The following MDGA2 variants were observed in gnomAD, a reference collection of about 807,000 sequenced individuals.
MDGA2 encodes the protein MAM domain containing glycosylphosphatidylinositol anchor 2.
MDGA2 carries 40 observed loss-of-function variants against 117.8 expected under a neutral mutation model. That is an observed-to-expected ratio of 0.34 (90% confidence interval 0.26 to 0.44). The LOEUF (loss-of-function observed/expected upper bound fraction) is 0.44. Among genes scored for constraint, MDGA2 ranks in the 20% least tolerant of loss-of-function variants. The probability of loss-of-function intolerance (pLI) is 1.00; values close to 1 mark genes in which losing one functional copy is unlikely to be tolerated. For missense variants in MDGA2, 1,123 were observed against 1,250.6 expected (o/e 0.90, Z 1.54); for synonymous variants, 452 against 439.0 (o/e 1.03, Z -0.37).
At chr14:47,265,334 T>C (rs10144413) in intron 2 of MDGA2, among the ~76,000 whole-genome samples, 48,954 of 152,006 alleles carry the variant, frequency 0.32, 9,070 homozygotes, top group African/African-American at 0.51. Flanking sequence ...GTAATGGTCA[T>C]TGTGTTTAAG....
intron 7 of MDGA2, among the ~76,000 whole-genome samples, chr14:47,048,901 G>A (rs1889356562): frequency 6.6e-6 from 1 of 152,046 alleles, no homozygotes; most frequent in African/African-American, 2.4e-5. Context: ...GTATACAGAA[G>A]TTTACAATAA....
intron 7 of MDGA2, among the ~76,000 whole-genome samples, chr14:47,056,098 A>G (rs1055691158): frequency 1.3e-5 from 2 of 152,184 alleles, no homozygotes; most frequent in African/African-American, 4.8e-5. Context: ...AAAATAACCT[A>G]TTCCTTACTA....
chr14:47,089,684 T>C (rs954434826), intron 6 of MDGA2, among the ~76,000 whole-genome samples: 3 of 152,076 alleles, frequency 2.0e-5, no homozygotes, highest in South Asian at 2.1e-4. Context: ...AGCACATATA[T>C]ACCATGGAAT....
intron 3 of MDGA2, among the ~76,000 whole-genome samples, chr14:47,163,753 G>A (rs779356191): frequency 4.6e-5 from 7 of 152,192 alleles, no homozygotes; most frequent in Non-Finnish European, 1.0e-4. Context: ...GACACATCTA[G>A]TCCCATAATT....
chr14:47,097,054 A>C lies in MDGA2; in HGVS notation c.995T>G (p.Val332Gly). ...VVNPGEAITL[V>G]CVTTGGEPAP... is the part of the protein sequence containing the mutation. ...AGGCTCTCCTCCTGTTGTAACACAT[A>C]CTAATGTTATGGCCTCTCCAGGATT... The change falls in exon 6 of 17, where the codon GTA (valine) becomes GGA (glycine). Residue 332 changes from valine (V) to glycine (G), a missense_variant. Transcript: ENST00000399232. 1 of 1,613,330 alleles carries C rather than the reference A, an allele frequency of 6.2e-7. No individual in the cohort carries two copies. The highest frequency in any genetic ancestry group is 1.1e-5 in the South Asian group (1 of 91,074).
intron 2 of MDGA2, among the ~76,000 whole-genome samples, chr14:47,250,978 T>C (rs1267618767): frequency 6.6e-6 from 1 of 152,212 alleles, no homozygotes; most frequent in African/African-American, 2.4e-5. Context: ...CACTTCTTAC[T>C]GGGTTGATCT....
intron 1 of MDGA2, among the ~76,000 whole-genome samples, chr14:47,413,726 A>T (rs544823163): frequency 1.4e-4 from 21 of 151,272 alleles, no homozygotes; most frequent in Non-Finnish European, 3.0e-4. Context: ...TTGGGACTGG[A>T]CATTTGTTTA....
At chr14:46,857,851 T>A (rs1327319424) in intron 14 of MDGA2, among the ~76,000 whole-genome samples, 1 of 151,962 alleles carries the variant, frequency 6.6e-6, no homozygotes, top group Non-Finnish European at 1.5e-5. Flanking sequence ...GAATGGGGTC[T>A]CTCCATCTTA....
chr14:47,184,125 TG>T (rs1171524570), intron 3 of MDGA2, among the ~76,000 whole-genome samples: 1 of 152,038 alleles, frequency 6.6e-6, no homozygotes, highest in Non-Finnish European at 1.5e-5. Context: ...TGTGTATGTA[TG>T]AATGTGGAAC....
intron 1 of MDGA2, among the ~76,000 whole-genome samples, chr14:47,480,893 G>A (rs1893940838): frequency 6.6e-6 from 1 of 151,818 alleles, no homozygotes; most frequent in African/African-American, 2.4e-5. Flanking sequence ...TACACTGATA[G>A]GGAGAAGCAC....
At chr14:47,078,467 C>G (rs972462065) in intron 6 of MDGA2, among the ~76,000 whole-genome samples, 6 of 152,082 alleles carry the variant, frequency 3.9e-5, no homozygotes, top group African/African-American at 1.4e-4. Context: ...GAATCTCTCA[C>G]AAACTCATTA....
intron 3 of MDGA2, among the ~76,000 whole-genome samples, chr14:47,215,402 T>C (rs1886048944): frequency 6.6e-6 from 1 of 152,116 alleles, no homozygotes; most frequent in Non-Finnish European, 1.5e-5. Context: ...ACACTAGTCA[T>C]GTCTTTATCA....
intron 5 of MDGA2, among the ~76,000 whole-genome samples, chr14:47,102,543 T>C (rs183557580): frequency 1.4e-4 from 21 of 151,960 alleles, no homozygotes; most frequent in Admixed American, 6.6e-4. Context: ...AGGAAACATA[T>C]TGAAGAAGCA....
At chr14:47,459,240 T>C (rs1893429432) in intron 1 of MDGA2, among the ~76,000 whole-genome samples, 1 of 152,024 alleles carries the variant, frequency 6.6e-6, no homozygotes, top group Non-Finnish European at 1.5e-5. Flanking sequence ...CAAGAAGGAT[T>C]ACCTCCGAAG....
At chr14:47,319,586 A>T (rs1379632849) in intron 1 of MDGA2, among the ~76,000 whole-genome samples, 1 of 152,156 alleles carries the variant, frequency 6.6e-6, no homozygotes. Context: ...TTTTCTATAG[A>T]CCTGATAAAA....
At chr14:47,176,665 G>C (rs1594697654) in intron 3 of MDGA2, among the ~76,000 whole-genome samples, 1 of 152,274 alleles carries the variant, frequency 6.6e-6, no homozygotes, top group East Asian at 1.9e-4. Context: ...ATGGATTAAA[G>C]ACTTAAATGT....
chr14:47,332,483 G>C (rs963109041), intron 1 of MDGA2, among the ~76,000 whole-genome samples: 1 of 151,936 alleles, frequency 6.6e-6, no homozygotes, highest in African/African-American at 2.4e-5. Flanking sequence ...AATAGCACAT[G>C]TCTGCCTATG....
At chr14:47,312,970 A>C (rs921141560) in intron 1 of MDGA2, among the ~76,000 whole-genome samples, 1 of 150,186 alleles carries the variant, frequency 6.7e-6, no homozygotes, top group African/African-American at 2.4e-5. Context: ...ACAAACTGCT[A>C]ATTAATATTT....
chr14:47,372,521 C>G (rs900134879), intron 1 of MDGA2, among the ~76,000 whole-genome samples: 2 of 151,720 alleles, frequency 1.3e-5, no homozygotes, highest in African/African-American at 4.8e-5. Flanking sequence ...AAATCAACAA[C>G]GAAATACACA....
Sources: allele counts gnomAD v4.1 joint callset (sites outside exome capture counted in the v4.1 genomes callset), GRCh38; gene constraint gnomAD v4.1.1; transcripts MANE v1.5; gene names NCBI Gene and HGNC (gene_info 2026-07-23, HGNC 2026-07-21).